The following GSDMC variants were observed in gnomAD, a reference collection of about 807,000 sequenced individuals.
GSDMC encodes the protein gasdermin-C.
Under a neutral mutation model 58.0 loss-of-function variants are expected in GSDMC, and 59 were observed. That is an observed-to-expected ratio of 1.02 (90% confidence interval 0.82 to 1.26). The LOEUF (loss-of-function observed/expected upper bound fraction) is 1.26. GSDMC is among the 50% of genes most tolerant of loss of function. The probability of loss-of-function intolerance (pLI) is 0.00; values close to 1 mark genes in which losing one functional copy is unlikely to be tolerated. For missense variants in GSDMC, 659 were observed against 598.5 expected (o/e 1.10, Z -1.06); for synonymous variants, 241 against 220.2 (o/e 1.09, Z -0.83).
chr8:129,760,472 A>G (rs192436147), intron 6 of GSDMC, 73 bp downstream of exon 6: 36 of 825,716 alleles, frequency 4.4e-5, no homozygotes, highest in Non-Finnish European at 5.8e-5. Context: ...CATCTCATGT[A>G]CCTTATAAAT....
chr8:129,750,191 C>T (rs989930131), intron 11 of GSDMC, 72 bp from the exon 12 acceptor site: 2 of 1,258,950 alleles, frequency 1.6e-6, no homozygotes, highest in African/African-American at 3.0e-5. Flanking sequence ...CCTGTGTCTA[C>T]TGGTGATAAC....
chr8:129,725,356 G>A, the GSDMC span, among the ~76,000 whole-genome samples: 6 of 152,056 alleles, frequency 3.9e-5, no homozygotes, highest in Non-Finnish European at 5.9e-5. Flanking sequence ...ACACTCATGC[G>A]TTCTTTTCTT....
At chr8:129,707,996 G>C in the GSDMC span, among the ~76,000 whole-genome samples, 9 of 152,170 alleles carry the variant, frequency 5.9e-5, no homozygotes, top group Non-Finnish European at 1.3e-4. Context: ...GTCCACCAGA[G>C]TTCTGTGCTC....
At chr8:129,776,594 C>T (rs1381104799) in intron 2 of GSDMC, among the ~76,000 whole-genome samples, 2 of 152,218 alleles carry the variant, frequency 1.3e-5, no homozygotes, top group African/African-American at 2.4e-5. Context: ...CACACTGTCT[C>T]CTCTGCAGCA....
the GSDMC span, among the ~76,000 whole-genome samples, chr8:129,736,934 C>T: frequency 3.3e-5 from 5 of 152,210 alleles, no homozygotes; most frequent in African/African-American, 1.2e-4. Flanking sequence ...TAAGCAACTT[C>T]AGCAAAGTCT....
the GSDMC span, among the ~76,000 whole-genome samples, chr8:129,724,140 G>A: frequency 6.6e-6 from 1 of 152,132 alleles, no homozygotes; most frequent in African/African-American, 2.4e-5. Context: ...CACATGGTTA[G>A]GAACTAAGGC....
At chr8:129,735,350 G>C in the GSDMC span, among the ~76,000 whole-genome samples, 4 of 152,020 alleles carry the variant, frequency 2.6e-5, no homozygotes, top group Admixed American at 2.6e-4. Flanking sequence ...CAACAGAATA[G>C]ACATTCTTCT....
rs2033023135 is a variant in GSDMC at position 129,748,435 on chromosome 8, A to T, written c.*66T>A. The T allele has an allele frequency of 2.0e-6, 3 of 1,500,746 alleles. No individual in the cohort carries two copies. Among genetic ancestry groups the T allele is most frequent in the Non-Finnish European group, 2.7e-6 (3 of 1,119,136 alleles). The allele number at this position is 1,500,746 out of a possible 1,614,324, so 93.0% of individuals were successfully genotyped here. ...CACAGCCCTATCTCTTGCACCCATA[A>T]GGACACTCACAGCATAGACTGGGCG... On this transcript the variant is annotated 3_prime_UTR_variant, in exon 14 of 14. Transcript: ENST00000276708.
chr8:129,755,281 G>C (rs2033382227), intron 6 of GSDMC, among the ~76,000 whole-genome samples: 1 of 152,080 alleles, frequency 6.6e-6, no homozygotes, highest in Non-Finnish European at 1.5e-5. Flanking sequence ...CTTTTCACTG[G>C]AAACCTTACA....
In GSDMC at chr8:129,786,322, A is replaced by G. The variant is rs1255101161; in HGVS notation, c.-316T>C. The G allele has an allele frequency of 2.9e-5, 4 of 136,420 alleles. No homozygotes were observed. Among genetic ancestry groups the G allele is most frequent in the Admixed American group, 2.2e-4 (3 of 13,816 alleles). The allele number at this position is 136,420 out of a possible 1,614,324, so 8.5% of individuals were successfully genotyped here. On this transcript the variant is annotated 5_prime_UTR_variant, in exon 1 of 14. Coordinates refer to ENST00000276708, the MANE Select transcript of GSDMC (RefSeq NM_031415.3). ...ACTCCAGCCTGGGCAACTCCGTCTC[A>G]AAAAAAAAAAAAAGAGAGAAAAATA... is the stretch of plus-strand genomic sequence containing the variant.
In GSDMC at chr8:129,757,770, T is replaced by G. The variant is rs555713490; in HGVS notation, c.721+2775A>C. On this transcript the variant is annotated intron_variant, in intron 6 of 13. Transcript: ENST00000276708. ...CTTTGGGAGGCCAAGGTGGCTAGAT[T>G]ACTTGAGCTCAGGAGTTTGAGACCA... is the stretch of plus-strand genomic sequence containing the variant. Among the ~76,000 whole-genome samples the G allele has an allele frequency of 9.9e-5, 15 of 152,130 alleles. No individual in the cohort carries two copies. In the South Asian group the frequency reaches 1.5e-3, roughly 15 times the overall value.
At chr8:129,731,582 G>A in the GSDMC span, among the ~76,000 whole-genome samples, 1 of 152,216 alleles carries the variant, frequency 6.6e-6, no homozygotes, top group Non-Finnish European at 1.5e-5. Flanking sequence ...GATGGTGCGG[G>A]TCCAGTCCAA....
chr8:129,737,701 T>C, the GSDMC span, among the ~76,000 whole-genome samples: 1 of 152,088 alleles, frequency 6.6e-6, no homozygotes, highest in Non-Finnish European at 1.5e-5. Context: ...CCTAAAACCA[T>C]AAAAACTCTA....
chr8:129,757,997 A>C (rs977222985), intron 6 of GSDMC, among the ~76,000 whole-genome samples: 18 of 152,204 alleles, frequency 1.2e-4, no homozygotes, highest in Non-Finnish European at 2.1e-4. Flanking sequence ...GTCTCAAAAA[A>C]AGAAAAGAAA....
intron 1 of GSDMC, among the ~76,000 whole-genome samples, chr8:129,779,325 A>G: frequency 6.6e-6 from 1 of 152,194 alleles, no homozygotes; most frequent in East Asian, 1.9e-4. Context: ...GCTGGCAGCC[A>G]TTACACTTAG....
chr8:129,706,609 G>T, the GSDMC span: 1 of 152,168 alleles, frequency 6.6e-6, no homozygotes, highest in South Asian at 2.1e-4. Flanking sequence ...GTGTATATCT[G>T]TGGAAGGAAT....
downstream of GSDMC, among the ~76,000 whole-genome samples, chr8:129,744,020 G>A (rs1308083326): frequency 2.0e-5 from 3 of 151,892 alleles, no homozygotes; most frequent in Non-Finnish European, 4.4e-5. Context: ...CAAGGCTCAA[G>A]GTACCCTATG....
chr8:129,730,066 A>C, the GSDMC span: 6 of 1,109,024 alleles, frequency 5.4e-6, no homozygotes, highest in Non-Finnish European at 7.7e-6. Flanking sequence ...TAAGTAAAGA[A>C]GATTTTTCTA....
intron 3 of GSDMC, among the ~76,000 whole-genome samples, chr8:129,773,209 G>A (rs1399600793): frequency 1.3e-5 from 2 of 152,000 alleles, no homozygotes; most frequent in Non-Finnish European, 2.9e-5. Context: ...TTAAAATAAG[G>A]AACAAAACAA....
Sources: gnomAD v4.1 joint callset for allele counts (sites outside exome capture counted in the v4.1 genomes callset) on GRCh38, gnomAD v4.1.1 for gene constraint, MANE v1.5 for transcripts, NCBI Gene and HGNC (gene_info 2026-07-23, HGNC 2026-07-21) for gene names.